The following TMEM182 variants were observed in gnomAD, a reference collection of about 807,000 sequenced individuals.
TMEM182 encodes transmembrane protein 182.
TMEM182 carries 20 observed loss-of-function variants against 26.8 expected under a neutral mutation model. The ratio of observed to expected loss-of-function variants is 0.75; its 90% CI spans 0.53 to 1.09. TMEM182 has a LOEUF of 1.09. Among genes scored for constraint, TMEM182 ranks in the 50% least tolerant of loss-of-function variants. The pLI is 0.00. For missense variants in TMEM182, 277 were observed against 275.5 expected, an observed-to-expected ratio of 1.01 and a Z score of -0.04; for synonymous variants, 109 against 102.2, an observed-to-expected ratio of 1.07 and a Z score of -0.40.
At chr2:102,824,884 T>C (rs1372760221) in intron 3 of TMEM182, among the ~76,000 whole-genome samples, 4 of 152,128 alleles carry the variant, frequency 2.6e-5, no homozygotes, top group Admixed American at 6.5e-5. Flanking sequence ...CTGCCATGAT[T>C]GAAAGTTTCC....
At chr2:102,743,926 T>A (rs1679612055) in intron 1 of TMEM182, among the ~76,000 whole-genome samples, 1 of 152,200 alleles carries the variant, frequency 6.6e-6, no homozygotes, top group South Asian at 2.1e-4. Context: ...AACCTTATTG[T>A]GTATGAACCT....
chr2:102,792,728 C>T (rs1003291132), intron 3 of TMEM182, among the ~76,000 whole-genome samples: 1 of 152,188 alleles, frequency 6.6e-6, no homozygotes, highest in Non-Finnish European at 1.5e-5. Context: ...GGCACTCAGG[C>T]ATCTGACTGG....
chr2:102,812,425 A>ACACACACG (rs1169764694), intron 4 of TMEM182, among the ~76,000 whole-genome samples: 8 of 137,082 alleles, frequency 5.8e-5, no homozygotes, highest in African/African-American at 2.1e-4. Context: ...ACACACACAC[A>ACACACACG]CACACTGGTT....
chr2:102,815,005 T>C lies in TMEM182; in HGVS notation c.*37T>C, dbSNP rs770579716. The C allele has an allele frequency of 1.2e-6, 2 of 1,607,482 alleles. No individual in the cohort carries two copies. Among genetic ancestry groups the C allele is most frequent in the East Asian group, 2.2e-5 (1 of 44,840 alleles). On this transcript the variant is annotated 3_prime_UTR_variant, in exon 5 of 5. Coordinates refer to ENST00000412401, the MANE Select transcript of TMEM182 (RefSeq NM_144632.5). ...CCACAAGTATTTTCTTGAGAGATTT[T>C]AAAACAAGGAATACTTTTTTTCCAT...
chr2:102,842,151 TC>T (rs1294242024), intron 3 of TMEM182, among the ~76,000 whole-genome samples: 1 of 152,130 alleles, frequency 6.6e-6, no homozygotes, highest in African/African-American at 2.4e-5. Flanking sequence ...AGTCTTGTAC[TC>T]CCCTCCCCTG....
chr2:102,777,781 CT>C (rs548360716), intron 3 of TMEM182, among the ~76,000 whole-genome samples: 24 of 130,514 alleles, frequency 1.8e-4, no homozygotes, highest in Admixed American at 3.8e-4. Flanking sequence ...TTCTCTTTTT[CT>C]TTTTTTTTTG....
At chr2:102,789,355 G>A (rs979932568) in intron 3 of TMEM182, among the ~76,000 whole-genome samples, 1 of 152,214 alleles carries the variant, frequency 6.6e-6, no homozygotes, top group Non-Finnish European at 1.5e-5. Flanking sequence ...ATTTGGAATT[G>A]TGATCATTTG....
rs989935603 is a variant in TMEM182, at chr2:102,817,065, A to G, written c.*2097A>G. ...GTAATGCATCAATCAAATACATTTCAAGCACATTTCTTGATCAATTTACCA... is the reference window on the plus strand; with the variant it reads ...GTAATGCATCAATCAAATACATTTCGAGCACATTTCTTGATCAATTTACCA... On this transcript the variant is annotated 3_prime_UTR_variant, in exon 5 of 5. Coordinates refer to ENST00000412401, the MANE Select transcript of TMEM182 (RefSeq NM_144632.5). 1 of 985,528 alleles carries G rather than the reference A, an allele frequency of 1.0e-6. No individual in the cohort carries two copies. Among genetic ancestry groups the G allele is most frequent in the Non-Finnish European group, 1.2e-6 (1 of 829,934 alleles). 61.0% of individuals were successfully genotyped at this position (985,528 alleles called of 1,614,324 possible).
chr2:102,838,708 C>T (rs183099791), intron 3 of TMEM182, among the ~76,000 whole-genome samples: 29 of 152,186 alleles, frequency 1.9e-4, no homozygotes, highest in Admixed American at 4.6e-4. Context: ...TCAGTTCAGA[C>T]GTGTGTTCTG....
At chr2:102,828,419 T>A (rs1052256037) in intron 3 of TMEM182, among the ~76,000 whole-genome samples, 3 of 152,180 alleles carry the variant, frequency 2.0e-5, no homozygotes, top group Non-Finnish European at 4.4e-5. Flanking sequence ...GCCTGTGTAA[T>A]TGAAATAGTG....
chr2:102,758,351 T>G, upstream of TMEM182: 1 of 660,764 alleles, frequency 1.5e-6, no homozygotes, highest in African/African-American at 1.8e-5. Flanking sequence ...TAAGATTACT[T>G]GGGGAAGCAA....
At chr2:102,795,110 A>G (rs1254407710) in intron 3 of TMEM182, among the ~76,000 whole-genome samples, 1 of 151,876 alleles carries the variant, frequency 6.6e-6, no homozygotes, top group Non-Finnish European at 1.5e-5. Flanking sequence ...TTAATTTCAG[A>G]TATTGTGTTT....
downstream of TMEM182, among the ~76,000 whole-genome samples, chr2:102,818,763 T>TATCTATCTATCTATC (rs1553444837): frequency 1.3e-5 from 2 of 148,250 alleles, no homozygotes; most frequent in African/African-American, 2.4e-5. Flanking sequence ...TCTATCTATC[T>TATCTATCTATCTATC]ATCTATCTAT....
chr2:102,816,191 G>T lies in TMEM182; in HGVS notation c.*1223G>T, dbSNP rs367806688. On this transcript the variant is annotated 3_prime_UTR_variant, in exon 5 of 5. Transcript: ENST00000412401. ...CAAATCCATCTGAGATGCCTAGCTCGTATTTGCATTCTGGAAGCCTCCATC... is the reference window on the plus strand; with the variant it reads ...CAAATCCATCTGAGATGCCTAGCTCTTATTTGCATTCTGGAAGCCTCCATC... The T allele has an allele frequency of 2.0e-6, 2 of 985,228 alleles. No homozygotes were observed. Among genetic ancestry groups the T allele is most frequent in the Non-Finnish European group, 2.4e-6 (2 of 829,942 alleles). 61.0% of individuals were successfully genotyped at this position (985,228 alleles called of 1,614,324 possible).
At chr2:102,751,814 A>G (rs374386650) in intron 1 of TMEM182, among the ~76,000 whole-genome samples, 1 of 152,026 alleles carries the variant, frequency 6.6e-6, no homozygotes, top group Non-Finnish European at 1.5e-5. Flanking sequence ...CTAGAGGTGC[A>G]TGCCACCATG....
intron 3 of TMEM182, among the ~76,000 whole-genome samples, chr2:102,839,472 A>ATATATAT (rs1558796834): frequency 2.4e-4 from 19 of 78,576 alleles, no homozygotes; most frequent in African/African-American, 8.1e-4. Flanking sequence ...TATATATATA[A>ATATATAT]TATATACACA....
chr2:102,797,886 C>T lies in TMEM182; in HGVS notation c.355C>T (p.Leu119=). 2 of 1,613,870 alleles carry T rather than the reference C, an allele frequency of 1.2e-6. No homozygotes were observed. Among genetic ancestry groups the T allele is most frequent in the Non-Finnish European group, 1.7e-6 (2 of 1,179,932 alleles). The change falls in exon 4 of 5, where the codon CTG becomes TTG. Residue 119 remains leucine, a synonymous_variant. Transcript: ENST00000412401. ...AVIYRGFWAV[L]MLLGVVAVVI... is the part of the protein sequence containing the mutation. ...AGTTTACCGTGGTTTCTGGGCAGTC[C>T]TGATGCTCCTGGGGGTAGTTGCTGT...
downstream of TMEM182, among the ~76,000 whole-genome samples, chr2:102,821,905 G>A (rs189616258): frequency 5.1e-4 from 77 of 151,340 alleles, 2 homozygotes; most frequent in East Asian, 0.011. Flanking sequence ...GGAGAATGGC[G>A]TGAACCCGGG....
intron 3 of TMEM182, among the ~76,000 whole-genome samples, chr2:102,787,648 A>C (rs1373411899): frequency 1.3e-5 from 2 of 152,160 alleles, no homozygotes. Context: ...GGACTTCAGC[A>C]TTTTTTCAAA....
Sources: allele counts gnomAD v4.1 joint callset (sites outside exome capture counted in the v4.1 genomes callset), GRCh38; gene constraint gnomAD v4.1.1; transcripts MANE v1.5; gene names NCBI Gene and HGNC (gene_info 2026-07-23, HGNC 2026-07-21).